Variants in KLHL29 observed in about 807,000 individuals in gnomAD.
KLHL29 encodes the protein kelch-like protein 29.
Under a neutral mutation model 80.4 loss-of-function variants are expected in KLHL29, and 21 were observed. The observed-to-expected ratio is 0.26, with a 90% CI of 0.19 to 0.38. The LOEUF (loss-of-function observed/expected upper bound fraction) is 0.38. Among genes scored for constraint, KLHL29 ranks in the 10% least tolerant of loss-of-function variants. The probability of loss-of-function intolerance (pLI) is 1.00; values close to 1 mark genes in which losing one functional copy is unlikely to be tolerated. For synonymous variants in KLHL29, 511 were observed against 526.8 expected (o/e 0.97, Z 0.41); for missense variants, 867 against 1,223.9 (o/e 0.71, Z 4.35).
chr2:23,655,808 G>A (rs190785361), intron 5 of KLHL29, among the ~76,000 whole-genome samples: 1 of 152,142 alleles, frequency 6.6e-6, no homozygotes, highest in African/African-American at 2.4e-5. Flanking sequence ...CAGGAGGTGT[G>A]TAGACCTGGA....
At chr2:23,455,385 G>T (rs1664020862) in intron 1 of KLHL29, among the ~76,000 whole-genome samples, 1 of 152,162 alleles carries the variant, frequency 6.6e-6, no homozygotes, top group African/African-American at 2.4e-5. Context: ...GCTAGATTTG[G>T]TTGGTTTATC....
intron 3 of KLHL29, among the ~76,000 whole-genome samples, chr2:23,580,959 A>G (rs1667966292): frequency 6.6e-6 from 1 of 152,238 alleles, no homozygotes; most frequent in African/African-American, 2.4e-5. Context: ...GCCTGGTGAC[A>G]CAGCAAGACT....
At chr2:23,406,297 C>T (rs1666726353) in intron 1 of KLHL29, among the ~76,000 whole-genome samples, 1 of 141,624 alleles carries the variant, frequency 7.1e-6, no homozygotes, top group Non-Finnish European at 1.5e-5. Context: ...CACTGCACTC[C>T]AGCCTGGGCG....
chr2:23,514,911 C>T (rs1231985217), intron 2 of KLHL29, among the ~76,000 whole-genome samples: 2 of 152,208 alleles, frequency 1.3e-5, no homozygotes, highest in African/African-American at 4.8e-5. Flanking sequence ...CCTGCACTTC[C>T]ATTAATGACT....
Position 23,562,008 on chromosome 2 carries a change from T to G in KLHL29, c.-45-144T>G, listed in dbSNP as rs2103496769. On this transcript the variant is annotated intron_variant, in intron 2 of 13. Transcript: ENST00000486442. This position sits in a 1 kb window ranked among gnomAD's most constrained non-coding sequence, Gnocchi z 4.5. ...TGAAGTGGGGCTAATTAATGATCCATGCTTTGTGGGCTAGCGTGACTCTGA... is the reference window on the plus strand; with the variant it reads ...TGAAGTGGGGCTAATTAATGATCCAGGCTTTGTGGGCTAGCGTGACTCTGA... 1.5e-6 allele frequency: 1 copy of G among 645,400 alleles called. No homozygotes were observed. Among genetic ancestry groups the G allele is most frequent in the African/African-American group, 1.8e-5 (1 of 54,600 alleles). 40.0% of individuals were successfully genotyped at this position (645,400 alleles called of 1,614,324 possible).
intron 1 of KLHL29, among the ~76,000 whole-genome samples, chr2:23,435,241 A>G (rs1296182158): frequency 6.6e-6 from 1 of 152,174 alleles, no homozygotes; most frequent in Non-Finnish European, 1.5e-5. Flanking sequence ...GGGGAGGCAG[A>G]CAGAGTCAGA....
chr2:23,693,231 G>T, intron 7 of KLHL29, 38 bp from the exon 8 acceptor site: 1 of 1,519,380 alleles, frequency 6.6e-7, no homozygotes, highest in South Asian at 1.2e-5. Flanking sequence ...ACTGCTTCCC[G>T]GGCCTTTGGG....
At chr2:23,664,872 T>G (rs994329439) in intron 5 of KLHL29, among the ~76,000 whole-genome samples, 9 of 152,234 alleles carry the variant, frequency 5.9e-5, no homozygotes, top group African/African-American at 2.2e-4. Flanking sequence ...CTTTATCTCC[T>G]TTGTCCCTTT....
intron 3 of KLHL29, among the ~76,000 whole-genome samples, chr2:23,589,959 G>A (rs1246019583): frequency 6.6e-6 from 1 of 152,238 alleles, no homozygotes; most frequent in Non-Finnish European, 1.5e-5. Flanking sequence ...AACTTGCAAA[G>A]GCATGCAGCT....
chr2:23,497,397 G>T (rs1628100), intron 2 of KLHL29, among the ~76,000 whole-genome samples: 62,675 of 151,866 alleles, frequency 0.41, 13,461 homozygotes, highest in Non-Finnish European at 0.46. Context: ...CCTCCCTCTA[G>T]CAGTGCACGT....
intron 1 of KLHL29, among the ~76,000 whole-genome samples, chr2:23,423,017 C>G (rs192970557): frequency 1.7e-4 from 26 of 152,352 alleles, no homozygotes; most frequent in African/African-American, 5.8e-4. Context: ...ACAAAAGCAG[C>G]CCTTGAATGG....
rs1030000252 is a variant in KLHL29, at chr2:23,596,182, C to T, written c.285+33701C>T. 1.1e-4 allele frequency among the ~76,000 whole-genome samples: 17 copies of T among 152,166 alleles called. No homozygotes were observed. The highest frequency in any genetic ancestry group is 4.1e-4 in the African/African-American group (17 of 41,440). On this transcript the variant is annotated intron_variant, in intron 3 of 13. Transcript: ENST00000486442. This position sits in a 1 kb window ranked among gnomAD's most constrained non-coding sequence, Gnocchi z 4.4. ...GCCAGCCGGACGGGCAGGCCGGGGG[C>T]GGGGCAGGGCAACAGCCTTGTACCC...
At chr2:23,639,736 T>C (rs1158369740) in intron 4 of KLHL29, among the ~76,000 whole-genome samples, 1 of 152,154 alleles carries the variant, frequency 6.6e-6, no homozygotes, top group Admixed American at 6.5e-5. Context: ...CCAGCCATAA[T>C]GAATGCCCTC....
rs1182998245 is a variant in KLHL29, at chr2:23,681,011, A to G, written c.941-3388A>G. Among the ~76,000 whole-genome samples, 2 of 152,184 alleles carry G rather than the reference A, an allele frequency of 1.3e-5. No individual in the cohort carries two copies. The highest frequency in any genetic ancestry group is 1.9e-4 in the East Asian group (1 of 5,188). ...CACCTCACTTGGAAGCTTCTCAGAG[A>G]TCAGGGAGTGTCCTTTGCCAAAACA... On this transcript the variant is annotated intron_variant, in intron 5 of 13. Transcript: ENST00000486442. The surrounding 1 kb of genome is among the most constrained non-coding windows in gnomAD (Gnocchi z 4.2).
chr2:23,524,931 T>C (rs779043479), intron 2 of KLHL29, among the ~76,000 whole-genome samples: 7 of 152,248 alleles, frequency 4.6e-5, no homozygotes, highest in Non-Finnish European at 1.0e-4. Context: ...CTGTAATTTT[T>C]TTTATCCAAA....
Position 23,456,427 on chromosome 2 carries a change from T to G in KLHL29, c.-153-19133T>G, listed in dbSNP as rs1572332212. On this transcript the variant is annotated intron_variant, in intron 1 of 13. Transcript: ENST00000486442. ...CCAGGAAGATGCAGGTGGAAACATT[T>G]GTTCTAGAATCTTCGGAGCAGTGAT... Among the ~76,000 whole-genome samples the G allele has an allele frequency of 2.6e-5, 4 of 152,370 alleles. No individual in the cohort carries two copies. The East Asian group carries it at 5.8e-4, about 22-fold the overall frequency.
chr2:23,603,712 C>T (rs1343393666), intron 3 of KLHL29, among the ~76,000 whole-genome samples: 3 of 152,244 alleles, frequency 2.0e-5, no homozygotes, highest in African/African-American at 7.2e-5. Flanking sequence ...TGTCTCCAGG[C>T]CAGTCCAGCA....
chr2:23,483,104 C>G (rs1664845047), intron 2 of KLHL29, among the ~76,000 whole-genome samples: 1 of 152,184 alleles, frequency 6.6e-6, no homozygotes, highest in African/African-American at 2.4e-5. Context: ...TAGTGAGCAT[C>G]TACTATAATG....
At chr2:23,687,934 C>T (rs1237105580) in intron 6 of KLHL29, among the ~76,000 whole-genome samples, 1 of 152,100 alleles carries the variant, frequency 6.6e-6, no homozygotes, top group East Asian at 1.9e-4. Flanking sequence ...AGAGCTGGGT[C>T]TCAGTGTCCT....
Sources: gnomAD v4.1 joint callset for allele counts (sites outside exome capture counted in the v4.1 genomes callset) on GRCh38, gnomAD v4.1.1 for gene constraint, Gnocchi (gnomAD v3.1) non-coding constraint, MANE v1.5 for transcripts, NCBI Gene and HGNC (gene_info 2026-07-23, HGNC 2026-07-21) for gene names.